The following TTBK2 variants were observed in gnomAD, a reference collection of about 807,000 sequenced individuals.
TTBK2 encodes tau tubulin kinase 2, also known as tau-tubulin kinase 2.
A neutral mutation model predicts 110.8 loss-of-function variants in TTBK2; 28 were observed. That is an observed-to-expected ratio of 0.25 (90% CI 0.19 to 0.35). The LOEUF (loss-of-function observed/expected upper bound fraction) is 0.35, where lower values mean the gene tolerates loss of function less well. Among genes scored for constraint, TTBK2 ranks in the 10% least tolerant of loss-of-function variants. The pLI is 1.00. For missense variants in TTBK2, 1,369 were observed against 1,500.3 expected (o/e 0.91, Z 1.45); for synonymous variants, 532 against 527.3 (o/e 1.01, Z -0.12).
chr15:42,815,949 T>TAAAAA (rs375184494), intron 7 of TTBK2, among the ~76,000 whole-genome samples: 4 of 37,174 alleles, frequency 1.1e-4, no homozygotes, highest in African/African-American at 3.5e-4. Context: ...TATATATATT[T>TAAAAA]AAAAAAAAAA....
intron 13 of TTBK2, among the ~76,000 whole-genome samples, chr15:42,767,803 C>T (rs1889457103): frequency 6.6e-6 from 1 of 152,038 alleles, no homozygotes; most frequent in Non-Finnish European, 1.5e-5. Flanking sequence ...GACAGAGACA[C>T]AACAAAAAAA....
intron 1 of TTBK2, among the ~76,000 whole-genome samples, chr15:42,893,073 A>G (rs1895526839): frequency 6.6e-6 from 1 of 152,172 alleles, no homozygotes; most frequent in Non-Finnish European, 1.5e-5. Context: ...CCTGTTCCAA[A>G]TAAGCCATGG....
chr15:42,775,001 G>C, intron 13 of TTBK2, 134 bp downstream of exon 13: 1 of 857,242 alleles, frequency 1.2e-6, no homozygotes. Context: ...ATAGAACTTA[G>C]TACAAAATCA....
chr15:42,884,233 A>C (rs1310971179), intron 1 of TTBK2, among the ~76,000 whole-genome samples: 1 of 152,240 alleles, frequency 6.6e-6, no homozygotes, highest in Non-Finnish European at 1.5e-5. Flanking sequence ...TAGACAGAAA[A>C]TTGTCAAGAA....
At chr15:42,769,016 T>A (rs1889529168) in intron 13 of TTBK2, among the ~76,000 whole-genome samples, 1 of 152,184 alleles carries the variant, frequency 6.6e-6, no homozygotes, top group Non-Finnish European at 1.5e-5. Flanking sequence ...GGGGAAAGGA[T>A]TCCCTATTTA....
chr15:42,802,097 T>C (rs2140898393), intron 9 of TTBK2: 3 of 1,456,522 alleles, frequency 2.1e-6, no homozygotes, highest in Non-Finnish European at 2.9e-6. Context: ...ACCTTGTCTA[T>C]GAAGGAGAAA....
At chr15:42,829,810 G>T in intron 5 of TTBK2, 128 bp downstream of exon 5, 1 of 1,322,560 alleles carries the variant, frequency 7.6e-7, no homozygotes. Flanking sequence ...GGTCTCTATT[G>T]GAATGAAAAT....
chr15:42,819,277 A>G (rs901294979), intron 6 of TTBK2, among the ~76,000 whole-genome samples: 3 of 151,318 alleles, frequency 2.0e-5, no homozygotes, highest in African/African-American at 7.3e-5. Flanking sequence ...CACCATCCTG[A>G]CCAACATGGT....
rs1162631880 is a variant in TTBK2 at position 42,902,999 on chromosome 15, AAAAG to A, written c.-68+17435_-68+17438del. On this transcript the variant is annotated intron_variant, in intron 1 of 14. Transcript: ENST00000267890. ...CACTCTGTTTCTCAAAAAAAAAAAAAAAAGAAAGAAAGAAAGAAAGGGAATTCTT... is the reference window on the plus strand; with the variant it reads ...CACTCTGTTTCTCAAAAAAAAAAAAAAAAGAAAGAAAGAAAGGGAATTCTT... Among the ~76,000 whole-genome samples the A allele has an allele frequency of 3.2e-4, 48 of 151,936 alleles. No individual in the cohort carries two copies. In the South Asian group the frequency reaches 3.7e-3, roughly 12 times the overall value.
chr15:42,745,207 A>C lies in TTBK2; in HGVS notation c.*588T>G, dbSNP rs566913466. On this transcript the variant is annotated 3_prime_UTR_variant, in exon 15 of 15. Transcript: ENST00000267890. ...AGAGATTGAATCAGACGAGACATAC[A>C]AAATTTTAAAAAAAAATCTGAACTC... 6.3e-6 allele frequency: 1 copy of C among 157,522 alleles called. No individual in the cohort carries two copies. The highest frequency in any genetic ancestry group is 1.9e-4 in the East Asian group (1 of 5,332). 9.8% of individuals were successfully genotyped at this position (157,522 alleles called of 1,614,324 possible). A position where few individuals can be genotyped will look rare whatever the true frequency, so the allele number is the denominator to read the frequency against.
chr15:42,753,526 C>T (rs1049162246), intron 13 of TTBK2, among the ~76,000 whole-genome samples: 2 of 152,176 alleles, frequency 1.3e-5, no homozygotes, highest in Non-Finnish European at 1.5e-5. Context: ...CTATAGACTG[C>T]ACCACCTGGG....
At chr15:42,748,302 A>G (rs2061822377) in intron 14 of TTBK2, among the ~76,000 whole-genome samples, 1 of 151,990 alleles carries the variant, frequency 6.6e-6, no homozygotes, top group Non-Finnish European at 1.5e-5. Context: ...ACTAAAATAC[A>G]AAAAATTAGC....
rs576737530 is a variant in TTBK2 at position 42,746,112 on chromosome 15, G to A, written c.3418C>T (p.Pro1140Ser). Residue 1140 changes from proline (P) to serine (S), a missense_variant, in exon 15 of 15, where the codon CCA becomes TCA. Physicochemically the swap from Pro to Ser is moderately conservative, Grantham distance 74 (BLOSUM62 -1). Coordinates refer to ENST00000267890, the MANE Select transcript of TTBK2 (RefSeq NM_173500.4). The part of the protein sequence containing the change: ...SPGSPHNPKT[P>S]PKSPVVPRRS... ...CGAGGGACAACTGGACTCTTGGGTG[G>A]TGTTTTTGGATTGTGAGGAGATCCT... The A allele has an allele frequency of 5.8e-5, 93 of 1,614,040 alleles. No homozygotes were observed. The highest frequency in any genetic ancestry group is 2.1e-4 in the South Asian group (19 of 91,084).
chr15:42,833,814 C>G lies in TTBK2; in HGVS notation c.292-3736G>C, dbSNP rs188973229. ...CACGAGATCAAGATATCGAGACCAT[C>G]CTGGCCAACATGGTAAAACCCCGTC... On this transcript the variant is annotated intron_variant, in intron 4 of 14. Coordinates refer to ENST00000267890, the MANE Select transcript of TTBK2 (RefSeq NM_173500.4). 1.3e-3 allele frequency among the ~76,000 whole-genome samples: 203 copies of G among 152,168 alleles called. 1 individual carries two copies. The highest frequency in any genetic ancestry group is 6.8e-3 in the Middle Eastern group (2 of 294).
chr15:42,766,070 G>A (rs1595889251), intron 13 of TTBK2, among the ~76,000 whole-genome samples: 1 of 152,146 alleles, frequency 6.6e-6, no homozygotes, highest in Non-Finnish European at 1.5e-5. Flanking sequence ...AGCAAATGTT[G>A]AGAGATTTTG....
At chr15:42,855,683 TATA>T (rs1893904781) in intron 3 of TTBK2, among the ~76,000 whole-genome samples, 1 of 152,144 alleles carries the variant, frequency 6.6e-6, no homozygotes, top group East Asian at 1.9e-4. Context: ...ATTTATTTAT[TATA>T]TATTGATTTA....
chr15:42,799,926 A>C (rs975074441), intron 9 of TTBK2, among the ~76,000 whole-genome samples: 2 of 152,016 alleles, frequency 1.3e-5, no homozygotes, highest in African/African-American at 4.8e-5. Context: ...GTGAAACCCT[A>C]TCTCTACCAA....
At chr15:42,901,401 G>A (rs773140222) in intron 1 of TTBK2, among the ~76,000 whole-genome samples, 20 of 151,940 alleles carry the variant, frequency 1.3e-4, no homozygotes, top group Admixed American at 4.6e-4. Context: ...TAGGGGTAAT[G>A]TATTCAGACA....
chr15:42,780,541 T>G (rs958262778), intron 11 of TTBK2, among the ~76,000 whole-genome samples: 1 of 151,890 alleles, frequency 6.6e-6, no homozygotes, highest in Non-Finnish European at 1.5e-5. Flanking sequence ...AGAATTAGAA[T>G]GTTTAAATCC....
Sources: allele counts gnomAD v4.1 joint callset (sites outside exome capture counted in the v4.1 genomes callset), GRCh38; gene constraint gnomAD v4.1.1; transcripts MANE v1.5; gene names NCBI Gene and HGNC (gene_info 2026-07-23, HGNC 2026-07-21).